The following DLEU7 variants were observed in gnomAD, a reference collection of about 807,000 sequenced individuals.
The protein encoded by DLEU7 is leukemia-associated protein 7.
A neutral mutation model predicts 16.0 loss-of-function variants in DLEU7; 17 were observed. The observed-to-expected ratio is 1.06, with a 90% CI of 0.73 to 1.59. The LOEUF (loss-of-function observed/expected upper bound fraction) is 1.59. Among genes scored for constraint, DLEU7 ranks in the 40% most tolerant of loss-of-function variants. The pLI, the probability that DLEU7 is intolerant of heterozygous loss-of-function variation, is 0.00. For missense variants in DLEU7, 308 were observed against 314.9 expected (o/e 0.98, Z 0.17); for synonymous variants, 113 against 139.8 (o/e 0.81, Z 1.35).
intron 1 of DLEU7, among the ~76,000 whole-genome samples, chr13:50,809,792 G>A (rs1485111263): frequency 6.6e-6 from 1 of 152,070 alleles, no homozygotes; most frequent in Admixed American, 6.6e-5. Context: ...TTCTCCTTAA[G>A]TGTCTTTGCA....
downstream of DLEU7, chr13:50,711,540 T>C (rs1873283943): frequency 6.6e-6 from 1 of 152,238 alleles, no homozygotes; most frequent in South Asian, 2.1e-4. Flanking sequence ...GCCCTAGCCA[T>C]TCTCAGATGC....
intron 1 of DLEU7, among the ~76,000 whole-genome samples, chr13:50,750,558 C>A (rs776319385): frequency 6.6e-6 from 1 of 152,066 alleles, no homozygotes; most frequent in Non-Finnish European, 1.5e-5. Context: ...TGATTCAACC[C>A]ATTCATGAGC....
At chr13:50,800,324 A>G (rs1043578720) in intron 1 of DLEU7, among the ~76,000 whole-genome samples, 7 of 152,210 alleles carry the variant, frequency 4.6e-5, no homozygotes, top group East Asian at 1.9e-4. Flanking sequence ...GATTTAAAAT[A>G]TTCAAAAATA....
At chr13:50,742,738 TG>T (rs1472519286) in intron 1 of DLEU7, among the ~76,000 whole-genome samples, 1 of 152,190 alleles carries the variant, frequency 6.6e-6, no homozygotes, top group African/African-American at 2.4e-5. Context: ...ATTTGGCTTT[TG>T]GGGTTAAACA....
chr13:50,805,407 G>T (rs1876359818), intron 1 of DLEU7, among the ~76,000 whole-genome samples: 1 of 152,008 alleles, frequency 6.6e-6, no homozygotes, highest in African/African-American at 2.4e-5. Context: ...ATTGCTCATG[G>T]TGTGTTAGTT....
At chr13:50,741,668 C>CTTAGCTTTTTAATAATT (rs368460978) in intron 1 of DLEU7, among the ~76,000 whole-genome samples, 148 of 152,234 alleles carry the variant, frequency 9.7e-4, no homozygotes, top group African/African-American at 3.4e-3. Flanking sequence ...CTGTTCCTAC[C>CTTAGCTTTTTAATAATT]TTAGCTTTTT....
intron 1 of DLEU7, among the ~76,000 whole-genome samples, chr13:50,832,428 C>T (rs1003703891): frequency 3.9e-5 from 6 of 152,124 alleles, no homozygotes; most frequent in Non-Finnish European, 7.4e-5. Flanking sequence ...TTTCAAAAAA[C>T]CAGCTCCTGG....
At chr13:50,796,942 G>A (rs1385997935) in intron 1 of DLEU7, among the ~76,000 whole-genome samples, 1 of 152,132 alleles carries the variant, frequency 6.6e-6, no homozygotes, top group Non-Finnish European at 1.5e-5. Context: ...CACTACAAAT[G>A]TGGGGTTGTT....
intron 1 of DLEU7, among the ~76,000 whole-genome samples, chr13:50,762,800 GAA>G (rs34858154): frequency 0.028 from 3,310 of 119,282 alleles, 29 homozygotes; most frequent in Non-Finnish European, 0.03. Context: ...TATTGTGCTA[GAA>G]AAAAAAAAAA....
At chr13:50,766,883 G>C (rs1875130005) in intron 1 of DLEU7, among the ~76,000 whole-genome samples, 1 of 145,130 alleles carries the variant, frequency 6.9e-6, no homozygotes, top group Non-Finnish European at 1.5e-5. Context: ...CAAACACACA[G>C]AGCAACACTG....
chr13:50,816,110 C>A (rs9535497), intron 1 of DLEU7, among the ~76,000 whole-genome samples: 2 of 151,674 alleles, frequency 1.3e-5, no homozygotes, highest in African/African-American at 4.8e-5. Flanking sequence ...CCACATTCCA[C>A]GTAATTGTGG....
intron 1 of DLEU7, among the ~76,000 whole-genome samples, chr13:50,759,602 T>C (rs1014885685): frequency 6.6e-6 from 1 of 152,164 alleles, no homozygotes; most frequent in Non-Finnish European, 1.5e-5. Context: ...AAGGGCACAG[T>C]AGTGATAGTA....
chr13:50,758,166 C>G (rs1874820311), intron 1 of DLEU7, among the ~76,000 whole-genome samples: 1 of 151,434 alleles, frequency 6.6e-6, no homozygotes. Flanking sequence ...TACACCTGGC[C>G]CCAAGATGTA....
chr13:50,753,164 C>T (rs1002083309), intron 1 of DLEU7, among the ~76,000 whole-genome samples: 1 of 152,154 alleles, frequency 6.6e-6, no homozygotes, highest in Non-Finnish European at 1.5e-5. Context: ...TACAGAGTGC[C>T]GATTGGTGTA....
intron 1 of DLEU7, among the ~76,000 whole-genome samples, chr13:50,768,655 G>A (rs553796772): frequency 1.3e-5 from 2 of 152,168 alleles, no homozygotes; most frequent in South Asian, 2.1e-4. Context: ...TAGTATATAT[G>A]TGCTACATTT....
intron 1 of DLEU7, among the ~76,000 whole-genome samples, chr13:50,737,428 T>G (rs1874104972): frequency 6.6e-6 from 1 of 152,324 alleles, no homozygotes; most frequent in South Asian, 2.1e-4. Flanking sequence ...AAGGTTTGTG[T>G]CAACCTTGCA....
At chr13:50,769,391 G>A (rs529426180) in intron 1 of DLEU7, among the ~76,000 whole-genome samples, 1 of 152,252 alleles carries the variant, frequency 6.6e-6, no homozygotes, top group African/African-American at 2.4e-5. Context: ...GTATTGCCTA[G>A]GTTTTCTTCT....
At chr13:50,730,092 G>A (rs535426544) in intron 1 of DLEU7, among the ~76,000 whole-genome samples, 6 of 152,050 alleles carry the variant, frequency 3.9e-5, no homozygotes, top group Middle Eastern at 3.4e-3. Flanking sequence ...TATTCATTAA[G>A]TGGAAGTGGA....
intron 1 of DLEU7, among the ~76,000 whole-genome samples, chr13:50,784,940 G>A (rs1875759016): frequency 6.6e-6 from 1 of 152,202 alleles, no homozygotes; most frequent in South Asian, 2.1e-4. Flanking sequence ...GAGAGTCTGG[G>A]GACTTCTTGT....
Sources: allele counts gnomAD v4.1 joint callset (sites outside exome capture counted in the v4.1 genomes callset), GRCh38; gene constraint gnomAD v4.1.1; transcripts MANE v1.5; gene names NCBI Gene and HGNC (gene_info 2026-07-23, HGNC 2026-07-21).